SATL1: variants seen among roughly 807,000 people sequenced by gnomAD.
SATL1 encodes spermidine/spermine N(1)-acetyltransferase-like protein 1.
In SATL1, 47 loss-of-function variants were observed where a neutral mutation model predicts 51.8. The observed-to-expected ratio is 0.91, with a 90% CI of 0.72 to 1.16. The LOEUF (loss-of-function observed/expected upper bound fraction) is 1.16. SATL1 is among the 50% of genes most tolerant of loss of function. The pLI is 0.00. For missense variants in SATL1, 520 were observed against 526.4 expected (o/e 0.99, Z 0.12); for synonymous variants, 176 against 182.4 (o/e 0.97, Z 0.28).
chrX:85,181,179 G>A (rs180992039), intron 2 of SATL1, among the ~76,000 whole-genome samples: 135 of 77,369 alleles, frequency 1.7e-3, no homozygotes, highest in Non-Finnish European at 2.5e-3. Flanking sequence ...ATATATATAT[G>A]TGTGTGTGTA....
At chrX:85,202,387 T>C (rs754628525) in intron 2 of SATL1, among the ~76,000 whole-genome samples, 8 of 111,915 alleles carry the variant, frequency 7.1e-5, no homozygotes, top group African/African-American at 2.3e-4. Flanking sequence ...CTTTACGTCT[T>C]TGGTAGAGTT....
intron 2 of SATL1, among the ~76,000 whole-genome samples, chrX:85,195,002 C>T (rs1300817668): frequency 5.7e-5 from 6 of 105,933 alleles, no homozygotes; most frequent in African/African-American, 2.2e-4. Context: ...TGCACATGTA[C>T]CCCAGGACTT....
At position 85,108,513 on chromosome X, in the gene SATL1, G is replaced by A; in HGVS notation, c.456C>T (p.Ser152=). 8.3e-7 allele frequency: 1 copy of A among 1,211,451 alleles called. No individual in the cohort carries two copies. The highest frequency in any genetic ancestry group is 1.1e-6 in the Non-Finnish European group (1 of 895,370). ...LDSQSGGSQP[S]MRQVGTSQLG... ...ATTGGCTGGTGCCTACTTGTCTCATGCTTGGTTGGCTCCCACCTGACTGGC... is the reference window on the plus strand; with the variant it reads ...ATTGGCTGGTGCCTACTTGTCTCATACTTGGTTGGCTCCCACCTGACTGGC... The change falls in exon 3 of 8, where the codon AGC becomes AGT. Residue 152 remains serine, a synonymous_variant. Transcript: ENST00000644105.
rs114925400 is a variant in SATL1, at chrX:85,094,108, A to G, written c.1876+20T>C. ...AATTTTTAAAGTATTTAAAAGTAAT[A>G]TCATAAATTTTAGTTTTACCTTGGT... On this transcript the variant is annotated intron_variant, in intron 6 of 7. Coordinates refer to ENST00000644105, the MANE Select transcript of SATL1 (RefSeq NM_001367857.2). 1.4e-4 allele frequency: 120 copies of G among 840,453 alleles called. 1 individual carries two copies. The African/African-American group carries it at 2.0e-3, about 14-fold the overall frequency. 69.3% of individuals were successfully genotyped at this position (840,453 alleles called of 1,213,427 possible).
At chrX:85,121,915 A>C (rs980277133) in intron 2 of SATL1, among the ~76,000 whole-genome samples, 1 of 110,210 alleles carries the variant, frequency 9.1e-6, no homozygotes, top group African/African-American at 3.3e-5. Flanking sequence ...TGGATATGTT[A>C]ATTAGCATGA....
At chrX:85,222,694 C>G (rs1928199510) in intron 2 of SATL1, among the ~76,000 whole-genome samples, 1 of 111,297 alleles carries the variant, frequency 9.0e-6, no homozygotes, top group African/African-American at 3.3e-5. Flanking sequence ...TTGCTTCCTG[C>G]TAAGCTCAAA....
rs756466005 is a variant in SATL1, at chrX:85,192,183, T to C, written c.-313+32022A>G. 3.6e-5 allele frequency among the ~76,000 whole-genome samples: 4 copies of C among 112,101 alleles called. No individual in the cohort carries two copies. The South Asian group carries it at 1.5e-3, about 42-fold the overall frequency. ...GCCTTTTAGGTGGACTATAAGTTTC[T>C]ATTTTTGCCCTGTCTCAACTTTCAC... On this transcript the variant is annotated intron_variant, in intron 2 of 7. Transcript: ENST00000644105.
intron 2 of SATL1, among the ~76,000 whole-genome samples, chrX:85,130,288 G>T (rs1283214547): frequency 1.8e-5 from 2 of 110,929 alleles, no homozygotes; most frequent in Non-Finnish European, 3.8e-5. Context: ...GACTTTTTTT[G>T]GTTAATAGGC....
At chrX:85,170,782 C>G (rs918923619) in intron 2 of SATL1, among the ~76,000 whole-genome samples, 16 of 111,274 alleles carry the variant, frequency 1.4e-4, no homozygotes, top group Admixed American at 6.7e-4. Context: ...ATATATGAGA[C>G]AAAAAGAAAG....
chrX:85,128,126 T>C lies in SATL1; in HGVS notation c.-312-18846A>G, dbSNP rs190280356. On this transcript the variant is annotated intron_variant, in intron 2 of 7. Transcript: ENST00000644105. ...AAACATATGTGTGCATGTGTCTTTA[T>C]AGTAGCATGATTTATAATCCTTTGG... is the stretch of plus-strand genomic sequence containing the variant. 7.2e-4 allele frequency among the ~76,000 whole-genome samples: 81 copies of C among 111,867 alleles called. 1 individual carries two copies. The highest frequency in any genetic ancestry group is 1.1e-3 in the Non-Finnish European group (58 of 53,178).
At chrX:85,228,315 T>C (rs1928315468) in intron 1 of SATL1, among the ~76,000 whole-genome samples, 1 of 111,065 alleles carries the variant, frequency 9.0e-6, no homozygotes, top group African/African-American at 3.3e-5. Flanking sequence ...TTCAAAGATG[T>C]CATTCCAGTA....
chrX:85,094,856 A>C, intron 5 of SATL1, 60 bp downstream of exon 5: 1 of 732,364 alleles, frequency 1.4e-6, no homozygotes. Context: ...AAACTGTACT[A>C]TTTTTCAGCA....
chrX:85,235,986 T>C (rs952580600), intron 1 of SATL1, among the ~76,000 whole-genome samples: 2 of 111,196 alleles, frequency 1.8e-5, no homozygotes, highest in Admixed American at 9.5e-5. Flanking sequence ...AATAAAATTA[T>C]AGAGATGAAA....
chrX:85,234,181 G>A (rs780515760), intron 1 of SATL1, among the ~76,000 whole-genome samples: 1 of 110,967 alleles, frequency 9.0e-6, no homozygotes, highest in Non-Finnish European at 1.9e-5. Flanking sequence ...CTTTTACCCT[G>A]GAATAGCATA....
chrX:85,193,472 G>A (rs897995499), intron 2 of SATL1, among the ~76,000 whole-genome samples: 5 of 111,797 alleles, frequency 4.5e-5, no homozygotes, highest in African/African-American at 6.5e-5. Context: ...ATACATTCAT[G>A]TTTCAACATA....
chrX:85,110,825 AT>A (rs1428728670), intron 2 of SATL1, among the ~76,000 whole-genome samples: 4 of 112,586 alleles, frequency 3.6e-5, no homozygotes, highest in Admixed American at 9.4e-5. Context: ...CTACCTTATA[AT>A]AAAAACAAGA....
chrX:85,144,350 G>A (rs944699680), intron 2 of SATL1, among the ~76,000 whole-genome samples: 2 of 111,144 alleles, frequency 1.8e-5, no homozygotes, highest in African/African-American at 3.3e-5. Flanking sequence ...AAAAAAATAC[G>A]CTCTACAAAG....
At chrX:85,201,466 T>A (rs1267924193) in intron 2 of SATL1, among the ~76,000 whole-genome samples, 3 of 111,341 alleles carry the variant, frequency 2.7e-5, no homozygotes. Flanking sequence ...ACTTTCTTTT[T>A]TGAATTTTAA....
At chrX:85,095,520 C>T (rs1405590882) in intron 4 of SATL1, among the ~76,000 whole-genome samples, 2 of 109,884 alleles carry the variant, frequency 1.8e-5, no homozygotes, top group Non-Finnish European at 3.8e-5. Context: ...TAGAAAGTTA[C>T]CATGTGTGAC....
Sources: allele counts gnomAD v4.1 joint callset (sites outside exome capture counted in the v4.1 genomes callset), GRCh38; gene constraint gnomAD v4.1.1; transcripts MANE v1.5; gene names NCBI Gene and HGNC (gene_info 2026-07-23, HGNC 2026-07-21).